DNAH9: variants seen among roughly 807,000 people sequenced by gnomAD.
DNAH9 encodes dynein axonemal heavy chain 9.
In DNAH9, 345 loss-of-function variants were observed where a neutral mutation model predicts 471.6. The ratio of observed to expected loss-of-function variants is 0.73; its 90% CI spans 0.67 to 0.80. The LOEUF (loss-of-function observed/expected upper bound fraction) is 0.80, where lower values mean the gene tolerates loss of function less well. DNAH9 is among the 30% of genes least tolerant of loss of function. The probability of loss-of-function intolerance (pLI) is 0.00; values close to 1 mark genes in which losing one functional copy is unlikely to be tolerated. For missense variants in DNAH9, 5,407 were observed against 5,609.2 expected (o/e 0.96, Z 1.15); for synonymous variants, 2,093 against 2,123.6 (o/e 0.99, Z 0.40).
chr17:11,859,487 A>G (rs1017411041), intron 50 of DNAH9, among the ~76,000 whole-genome samples: 15 of 151,294 alleles, frequency 9.9e-5, no homozygotes, highest in Admixed American at 3.3e-4. Context: ...TTCCTGTTCT[A>G]TTACATAGAG....
intron 43 of DNAH9, among the ~76,000 whole-genome samples, chr17:11,803,154 C>T (rs1969530799): frequency 1.3e-5 from 2 of 152,206 alleles, no homozygotes; most frequent in African/African-American, 4.8e-5. Flanking sequence ...TACTGACTTT[C>T]GTCACCACTT....
chr17:11,751,163 TAAG>T (rs908677369), intron 32 of DNAH9, among the ~76,000 whole-genome samples: 2 of 151,850 alleles, frequency 1.3e-5, no homozygotes, highest in African/African-American at 4.8e-5. Context: ...ATTTCTTCAT[TAAG>T]AAGTAGAAAA....
intron 28 of DNAH9, among the ~76,000 whole-genome samples, chr17:11,732,754 C>T (rs1031979888): frequency 2.6e-5 from 4 of 152,154 alleles, no homozygotes; most frequent in South Asian, 4.1e-4. Context: ...GGGTTATCTG[C>T]GCCCGGGGAC....
chr17:11,781,936 G>T (rs1005310860), intron 39 of DNAH9, among the ~76,000 whole-genome samples: 13 of 151,626 alleles, frequency 8.6e-5, no homozygotes, highest in Admixed American at 2.0e-4. Context: ...CAGAGGGCTG[G>T]ATAGTATCTC....
chr17:11,773,831 T>C (rs1968313463), intron 38 of DNAH9, among the ~76,000 whole-genome samples: 1 of 152,220 alleles, frequency 6.6e-6, no homozygotes, highest in Non-Finnish European at 1.5e-5. Flanking sequence ...AACTTAGCCT[T>C]ATGAGTGCAG....
intron 28 of DNAH9, among the ~76,000 whole-genome samples, chr17:11,732,656 T>TTA (rs1415617347): frequency 3.5e-5 from 5 of 142,734 alleles, no homozygotes; most frequent in African/African-American, 1.3e-4. Flanking sequence ...CAAAAAAAAA[T>TTA]TACTCTGCTG....
chr17:11,731,749 G>A (rs1045416764), intron 28 of DNAH9, among the ~76,000 whole-genome samples: 12 of 152,036 alleles, frequency 7.9e-5, no homozygotes, highest in East Asian at 7.8e-4. Flanking sequence ...TTATGGCTAC[G>A]TAGTATTCCA....
intron 17 of DNAH9, among the ~76,000 whole-genome samples, chr17:11,672,787 G>C (rs951467601): frequency 1.3e-5 from 2 of 152,126 alleles, no homozygotes; most frequent in Non-Finnish European, 2.9e-5. Context: ...TGCATTCTCA[G>C]TGGGGCTCAG....
intron 56 of DNAH9, among the ~76,000 whole-genome samples, chr17:11,885,434 G>A (rs1057171885): frequency 4.6e-5 from 7 of 152,306 alleles, no homozygotes; most frequent in African/African-American, 1.7e-4. Flanking sequence ...GTCCTGATGG[G>A]CATCAAAGAT....
At chr17:11,945,972 G>A (rs1222257578) in intron 67 of DNAH9, among the ~76,000 whole-genome samples, 1 of 152,056 alleles carries the variant, frequency 6.6e-6, no homozygotes, top group Non-Finnish European at 1.5e-5. Flanking sequence ...GCCGAGGTGG[G>A]CGGATCAGTT....
chr17:11,788,941 A>G (rs541969561), intron 41 of DNAH9, among the ~76,000 whole-genome samples: 1 of 152,204 alleles, frequency 6.6e-6, no homozygotes, highest in East Asian at 1.9e-4. Flanking sequence ...AGTTTTAATT[A>G]TGAATATGTG....
intron 28 of DNAH9, among the ~76,000 whole-genome samples, chr17:11,736,535 G>A (rs543835401): frequency 1.9e-3 from 288 of 152,258 alleles, no homozygotes; most frequent in Non-Finnish European, 5.0e-4. Flanking sequence ...GGACCTGGAC[G>A]TTATCAAGGC....
chr17:11,923,050 T>G (rs1974185088), intron 61 of DNAH9, among the ~76,000 whole-genome samples: 3 of 59,874 alleles, frequency 5.0e-5, no homozygotes, highest in Non-Finnish European at 9.7e-5. Context: ...AACAAGTGCT[T>G]CTTTTTTTTT....
At chr17:11,876,813 G>A (rs990366727) in intron 53 of DNAH9, among the ~76,000 whole-genome samples, 34 of 152,212 alleles carry the variant, frequency 2.2e-4, no homozygotes, top group Admixed American at 9.8e-4. Context: ...TCCACCTCCC[G>A]GGTTCAAGCA....
At chr17:11,705,677 A>G (rs1289770685) in intron 26 of DNAH9, among the ~76,000 whole-genome samples, 1 of 152,196 alleles carries the variant, frequency 6.6e-6, no homozygotes, top group Admixed American at 6.5e-5. Context: ...GAATAGCATG[A>G]CTATAGCTAG....
chr17:11,881,241 A>G lies in DNAH9; in HGVS notation c.10634A>G (p.Tyr3545Cys), dbSNP rs1972709911. The G allele has an allele frequency of 6.2e-7, 1 of 1,614,186 alleles. No homozygotes were observed. Among genetic ancestry groups the G allele is most frequent in the Non-Finnish European group, 8.5e-7 (1 of 1,180,036 alleles). ...FIKIGDKECE[Y>C]NPKFRLILHT... is the part of the protein sequence containing the mutation. ...AAAATTGGAGACAAAGAATGTGAAT[A>G]CAATCCCAAGTTCCGGCTCATCCTC... The change falls in exon 55 of 69, where the codon TAC (tyrosine) becomes TGC (cysteine). Residue 3545 changes from tyrosine (Y) to cysteine (C), a missense_variant. Coordinates refer to ENST00000262442, the MANE Select transcript of DNAH9 (RefSeq NM_001372.4).
chr17:11,954,769 T>TTA (rs1555529414), intron 67 of DNAH9, among the ~76,000 whole-genome samples: 3,710 of 118,698 alleles, frequency 0.031, 183 homozygotes, highest in African/African-American at 0.11. Context: ...GACTTCGTCT[T>TTA]AAAAAAAAAA....
chr17:11,707,800 A>T (rs1567736545), intron 26 of DNAH9, among the ~76,000 whole-genome samples: 1 of 151,906 alleles, frequency 6.6e-6, no homozygotes, highest in Non-Finnish European at 1.5e-5. Context: ...GATCACCTGG[A>T]GTTCATTCCA....
intron 53 of DNAH9, among the ~76,000 whole-genome samples, chr17:11,876,117 A>G (rs945405836): frequency 2.6e-5 from 4 of 152,176 alleles, no homozygotes; most frequent in African/African-American, 9.7e-5. Flanking sequence ...GGAGTTCGCC[A>G]TTTTAAAAGT....
Sources: allele counts gnomAD v4.1 joint callset (sites outside exome capture counted in the v4.1 genomes callset), GRCh38; gene constraint gnomAD v4.1.1; transcripts MANE v1.5; gene names NCBI Gene and HGNC (gene_info 2026-07-23, HGNC 2026-07-21).